CEP112: variants seen among roughly 807,000 people sequenced by gnomAD.
CEP112 encodes centrosomal protein of 112 kDa.
In CEP112, 127 loss-of-function variants were observed where a neutral mutation model predicts 153.0. The ratio of observed to expected loss-of-function variants is 0.83; its 90% confidence interval spans 0.72 to 0.96. The LOEUF (loss-of-function observed/expected upper bound fraction) is 0.96, where lower values mean the gene tolerates loss of function less well. Among genes scored for constraint, CEP112 ranks in the 40% least tolerant of loss-of-function variants. The probability of loss-of-function intolerance (pLI) is 0.00; values close to 1 mark genes in which losing one functional copy is unlikely to be tolerated. For missense variants in CEP112, 1,089 were observed against 1,101.2 expected (o/e 0.99, Z 0.16); for synonymous variants, 358 against 374.4 (o/e 0.96, Z 0.51).
chr17:66,024,222 G>A (rs67487417), intron 16 of CEP112, among the ~76,000 whole-genome samples: 62,390 of 151,858 alleles, frequency 0.41, 14,264 homozygotes, highest in East Asian at 0.87. Context: ...ACGATAAACA[G>A]GGAAAAGTTG....
rs2073150089 is a variant in CEP112 at position 66,191,197 on chromosome 17, A to C, written c.-9+800T>G. The stretch of plus-strand genomic sequence containing the variant: ...TTAAGTGAGGTGAAGTCACTGACCT[A>C]GGTTCTTAGTGGACAGTGACAGCTG... On this transcript the variant is annotated intron_variant, in intron 1 of 26. Transcript: ENST00000535342. The surrounding 1 kb of genome is among the most constrained non-coding windows in gnomAD (Gnocchi z 4.2). Among the ~76,000 whole-genome samples, 1 of 152,212 alleles carries C rather than the reference A, an allele frequency of 6.6e-6. No individual in the cohort carries two copies. The highest frequency in any genetic ancestry group is 2.4e-5 in the African/African-American group (1 of 41,460).
chr17:65,970,385 A>ATATTACATGCATGCGCACATCATGCATG (rs2062655550), intron 17 of CEP112, among the ~76,000 whole-genome samples: 1 of 16,986 alleles, frequency 5.9e-5, no homozygotes, highest in African/African-American at 2.5e-4. Context: ...CATCATGCAT[A>ATATTACATGCATGCGCACATCATGCATG]TATATTACAT....
intron 6 of CEP112, among the ~76,000 whole-genome samples, chr17:66,105,511 G>A (rs4790917): frequency 0.39 from 59,046 of 151,952 alleles, 13,053 homozygotes; most frequent in East Asian, 0.87. Flanking sequence ...AAACACACCT[G>A]GGCCAGGCAC....
chr17:66,059,787 C>A (rs2066849516), intron 11 of CEP112, among the ~76,000 whole-genome samples: 1 of 152,156 alleles, frequency 6.6e-6, no homozygotes, highest in African/African-American at 2.4e-5. Context: ...CCAACAATCC[C>A]ATTACTGGGT....
chr17:65,840,086 C>T (rs2057461577), intron 21 of CEP112, among the ~76,000 whole-genome samples: 2 of 152,088 alleles, frequency 1.3e-5, no homozygotes, highest in Admixed American at 6.6e-5. Flanking sequence ...GCCCACACTA[C>T]CCATAACAAT....
At chr17:65,839,915 A>T (rs1365962201) in intron 21 of CEP112, among the ~76,000 whole-genome samples, 1 of 152,088 alleles carries the variant, frequency 6.6e-6, no homozygotes, top group East Asian at 1.9e-4. Context: ...AAGCAATCCT[A>T]TTTACAGCAG....
At chr17:65,674,207 A>G (rs2047115624) in intron 24 of CEP112, among the ~76,000 whole-genome samples, 1 of 152,216 alleles carries the variant, frequency 6.6e-6, no homozygotes, top group African/African-American at 2.4e-5. Context: ...TAGAAAAACA[A>G]ATCAATAGAA....
intron 24 of CEP112, among the ~76,000 whole-genome samples, chr17:65,679,868 G>T (rs995509206): frequency 6.6e-6 from 1 of 152,214 alleles, no homozygotes; most frequent in African/African-American, 2.4e-5. Flanking sequence ...GATACTAGTT[G>T]TAACGGTATA....
chr17:65,984,763 T>G (rs924447347), intron 17 of CEP112, among the ~76,000 whole-genome samples: 56 of 152,212 alleles, frequency 3.7e-4, no homozygotes, highest in African/African-American at 1.3e-3. Context: ...GATACACATT[T>G]GTATAGCATT....
intron 10 of CEP112, 49 bp from the exon 11 acceptor site, chr17:66,063,130 G>T: frequency 1.2e-6 from 1 of 849,986 alleles, no homozygotes; most frequent in Non-Finnish European, 1.8e-6. Context: ...GGTACATAGA[G>T]TTTGATGATA....
intron 12 of CEP112, among the ~76,000 whole-genome samples, chr17:66,048,203 G>A (rs2066293602): frequency 6.6e-6 from 1 of 152,002 alleles, no homozygotes; most frequent in South Asian, 2.1e-4. Context: ...AAAGGAAAGG[G>A]CCCAGAATGG....
chr17:65,968,669 G>A (rs1038479649), intron 17 of CEP112, among the ~76,000 whole-genome samples: 2 of 152,082 alleles, frequency 1.3e-5, no homozygotes, highest in African/African-American at 2.4e-5. Context: ...ATTATTTGAC[G>A]TTATTTCTAT....
intron 16 of CEP112, among the ~76,000 whole-genome samples, chr17:66,020,103 AG>A (rs2064942183): frequency 6.6e-6 from 1 of 152,198 alleles, no homozygotes. Flanking sequence ...CCAGGATATC[AG>A]GAAGAGGGCT....
chr17:65,682,958 T>C (rs907614968), intron 24 of CEP112, among the ~76,000 whole-genome samples: 3 of 152,246 alleles, frequency 2.0e-5, no homozygotes, highest in African/African-American at 7.2e-5. Context: ...GAAGATATTT[T>C]ACTAACATTT....
intron 21 of CEP112, among the ~76,000 whole-genome samples, chr17:65,842,565 G>A (rs945939585): frequency 6.6e-6 from 1 of 152,102 alleles, no homozygotes; most frequent in Non-Finnish European, 1.5e-5. Context: ...CTCAGGTAAG[G>A]ATGATAGACC....
intron 20 of CEP112, among the ~76,000 whole-genome samples, 145 bp downstream of exon 20, chr17:65,901,996 GGGTGGGGGGGA>G (rs2059877326): frequency 2.1e-5 from 1 of 48,488 alleles, no homozygotes; most frequent in Non-Finnish European, 4.3e-5. Context: ...GGGGGGGGGG[GGGTGGGGGGGA>G]GAAAAACAAA....
Position 65,711,920 on chromosome 17 carries a change from T to C in CEP112, c.2608-22702A>G, listed in dbSNP as rs74599676. On this transcript the variant is annotated intron_variant, in intron 23 of 26. Coordinates refer to ENST00000535342, the MANE Select transcript of CEP112 (RefSeq NM_001199165.4). ...CCCGACACTTTGCCCATTACCAAAG[T>C]AGCATGTACTCACTGCATGCATTTT... 2.0e-5 allele frequency among the ~76,000 whole-genome samples: 3 copies of C among 152,322 alleles called. No individual in the cohort carries two copies. The East Asian group carries it at 5.8e-4, about 29-fold the overall frequency.
Position 65,752,013 on chromosome 17 carries a change from T to TCCA in CEP112, c.2395-1290_2395-1289insTGG, listed in dbSNP as rs1453701432. 1.7e-4 allele frequency among the ~76,000 whole-genome samples: 18 copies of TCCA among 104,948 alleles called. No individual in the cohort carries two copies. In the South Asian group the frequency reaches 3.0e-3, roughly 17 times the overall value. The allele number at this position is 104,948 out of a possible 152,430, so 68.8% of individuals were successfully genotyped here. ...ATCTATCTATCTATCTACTGTTCCT[T>TCCA]TCATCCATCCATCCATCCATCCATC... On this transcript the variant is annotated intron_variant, in intron 21 of 26. Transcript: ENST00000535342.
chr17:65,833,407 A>C (rs1223558379), intron 21 of CEP112, among the ~76,000 whole-genome samples: 1 of 152,222 alleles, frequency 6.6e-6, no homozygotes, highest in Non-Finnish European at 1.5e-5. Flanking sequence ...GAAAAGAGGA[A>C]GTCAAACTTT....
Sources: allele counts gnomAD v4.1 joint callset (sites outside exome capture counted in the v4.1 genomes callset), GRCh38; gene constraint gnomAD v4.1.1; non-coding constraint Gnocchi (gnomAD v3.1); transcripts MANE v1.5; gene names NCBI Gene and HGNC (gene_info 2026-07-23, HGNC 2026-07-21).